LRRTM4: variants seen among roughly 807,000 people sequenced by gnomAD.
LRRTM4 encodes leucine-rich repeat transmembrane neuronal protein 4.
In LRRTM4, 25 loss-of-function variants were observed where a neutral mutation model predicts 47.6. The observed-to-expected ratio is 0.53, with a 90% CI of 0.38 to 0.73. The LOEUF is 0.73. Ranked by LOEUF, LRRTM4 falls within the 30% of genes least tolerant of loss-of-function variation. LRRTM4 has a pLI of 0.00. For missense variants in LRRTM4, 638 were observed against 713.4 expected (o/e 0.89, Z 1.20); for synonymous variants, 311 against 269.5 (o/e 1.15, Z -1.51).
intron 3 of LRRTM4, among the ~76,000 whole-genome samples, chr2:76,841,998 T>C (rs1168851015): frequency 6.6e-6 from 1 of 152,190 alleles, no homozygotes; most frequent in Admixed American, 6.5e-5. Context: ...TAGACTGAGC[T>C]ACTGGATGTC....
At chr2:77,316,572 T>C (rs1468944029) in intron 3 of LRRTM4, among the ~76,000 whole-genome samples, 2 of 151,128 alleles carry the variant, frequency 1.3e-5, no homozygotes, top group Non-Finnish European at 2.9e-5. Flanking sequence ...TTTTGAGACA[T>C]AAGTTTCACT....
chr2:77,013,020 G>T (rs143331159), intron 3 of LRRTM4, among the ~76,000 whole-genome samples: 72 of 152,312 alleles, frequency 4.7e-4, no homozygotes, highest in African/African-American at 1.7e-3. Context: ...AATATAGCAT[G>T]AACAACAGGA....
chr2:77,324,174 T>G (rs558026774), intron 3 of LRRTM4, among the ~76,000 whole-genome samples: 1 of 152,254 alleles, frequency 6.6e-6, no homozygotes, highest in Non-Finnish European at 1.5e-5. Flanking sequence ...TCTCTCCCTA[T>G]CCCACATGTA....
At chr2:76,860,760 A>G (rs1422796702) in intron 3 of LRRTM4, among the ~76,000 whole-genome samples, 1 of 152,198 alleles carries the variant, frequency 6.6e-6, no homozygotes, top group Admixed American at 6.6e-5. Context: ...TACAAACTCC[A>G]GAAATATAAA....
At chr2:77,214,736 C>A (rs1453503199) in intron 3 of LRRTM4, among the ~76,000 whole-genome samples, 1 of 150,462 alleles carries the variant, frequency 6.6e-6, no homozygotes, top group Non-Finnish European at 1.5e-5. Flanking sequence ...TTAATATGGA[C>A]AATCATCTCC....
chr2:77,347,207 C>T (rs773320487), intron 3 of LRRTM4, among the ~76,000 whole-genome samples: 2 of 152,206 alleles, frequency 1.3e-5, no homozygotes, highest in South Asian at 4.1e-4. Context: ...CCCGTCACTA[C>T]GGCCTCCTGT....
intron 3 of LRRTM4, among the ~76,000 whole-genome samples, chr2:77,422,694 T>C (rs1674949450): frequency 6.6e-6 from 1 of 152,184 alleles, no homozygotes; most frequent in Admixed American, 6.5e-5. Context: ...GTTTATTTAG[T>C]GTTTATTTTT....
intron 3 of LRRTM4, among the ~76,000 whole-genome samples, chr2:77,346,947 T>C (rs541926707): frequency 4.6e-5 from 7 of 152,268 alleles, no homozygotes; most frequent in African/African-American, 1.2e-4. Context: ...ATATTCTCCA[T>C]TCTCTCCCAC....
intron 3 of LRRTM4, among the ~76,000 whole-genome samples, chr2:77,433,890 G>A (rs1327890381): frequency 6.6e-6 from 1 of 152,150 alleles, no homozygotes; most frequent in Non-Finnish European, 1.5e-5. Context: ...TTTAGGAATA[G>A]GTCTCTGATG....
intron 3 of LRRTM4, among the ~76,000 whole-genome samples, chr2:77,472,285 G>A (rs894002424): frequency 6.6e-6 from 1 of 152,098 alleles, no homozygotes; most frequent in African/African-American, 2.4e-5. Context: ...GTGCCAACAG[G>A]CTGTAAGTTC....
intron 3 of LRRTM4, among the ~76,000 whole-genome samples, chr2:77,400,941 A>G (rs983972784): frequency 5.3e-5 from 8 of 152,090 alleles, no homozygotes; most frequent in South Asian, 4.1e-4. Flanking sequence ...TGAAAATTAT[A>G]CAAAATTCAA....
At chr2:77,118,863 G>A (rs1025457979) in intron 3 of LRRTM4, among the ~76,000 whole-genome samples, 3 of 151,734 alleles carry the variant, frequency 2.0e-5, no homozygotes, top group African/African-American at 7.3e-5. Flanking sequence ...AAGCTGAGTA[G>A]ACCATATACA....
chr2:76,845,677 T>C (rs1429357114), intron 3 of LRRTM4, among the ~76,000 whole-genome samples: 1 of 152,170 alleles, frequency 6.6e-6, no homozygotes, highest in African/African-American at 2.4e-5. Flanking sequence ...GGAGCTAACA[T>C]GAAATATTTT....
chr2:77,112,544 C>T (rs771698077), intron 3 of LRRTM4, among the ~76,000 whole-genome samples: 1 of 151,218 alleles, frequency 6.6e-6, no homozygotes, highest in African/African-American at 2.4e-5. Context: ...TTATCCCAAA[C>T]ATTTTATTGA....
In LRRTM4 at chr2:77,121,725, C is replaced by T. The variant is rs146459829; in HGVS notation, c.1552-372809G>A. ...TGAAGTTTGACTGTAGTCCAATTTC[C>T]CTAGGTAGATGACATTAGCCAATCG... is the stretch of plus-strand genomic sequence containing the variant. On this transcript the variant is annotated intron_variant, in intron 3 of 3. Coordinates refer to ENST00000409884, the MANE Select transcript of LRRTM4 (RefSeq NM_001134745.3). Among the ~76,000 whole-genome samples, 903 of 151,730 alleles carry T rather than the reference C, an allele frequency of 6.0e-3. 12 individuals are homozygous for T. Among genetic ancestry groups the T allele is most frequent in the African/African-American group, 0.021 (864 of 41,454 alleles).
intron 3 of LRRTM4, among the ~76,000 whole-genome samples, chr2:76,999,068 A>G (rs2104016852): frequency 6.6e-6 from 1 of 152,128 alleles, no homozygotes; most frequent in South Asian, 2.1e-4. Context: ...GGTTGTTGAT[A>G]TTATTGTTGT....
At chr2:76,761,725 TC>T (rs1283591637) in intron 3 of LRRTM4, among the ~76,000 whole-genome samples, 1 of 152,178 alleles carries the variant, frequency 6.6e-6, no homozygotes, top group Non-Finnish European at 1.5e-5. Context: ...TGAAAAATAT[TC>T]AAACCTCCCA....
At chr2:76,961,603 T>A (rs1023307803) in intron 3 of LRRTM4, among the ~76,000 whole-genome samples, 1 of 151,352 alleles carries the variant, frequency 6.6e-6, no homozygotes, top group Non-Finnish European at 1.5e-5. Flanking sequence ...TAAAGTGGAA[T>A]GGATGTTGGA....
rs998036399 is a variant in LRRTM4 at position 77,476,212 on chromosome 2, G to A, written c.1551+42106C>T. Among the ~76,000 whole-genome samples the A allele has an allele frequency of 7.9e-5, 12 of 152,108 alleles. 1 individual carries two copies. In the East Asian group the frequency reaches 1.2e-3, roughly 15 times the overall value. ...TCATTAATGGAGTCAAGGCAAAAGC[G>A]TGTCTTCTTAGTTGTCTTATAAGTG... On this transcript the variant is annotated intron_variant, in intron 3 of 3. Coordinates refer to ENST00000409884, the MANE Select transcript of LRRTM4 (RefSeq NM_001134745.3).
Sources: allele counts gnomAD v4.1 joint callset (sites outside exome capture counted in the v4.1 genomes callset), GRCh38; gene constraint gnomAD v4.1.1; transcripts MANE v1.5; gene names NCBI Gene and HGNC (gene_info 2026-07-23, HGNC 2026-07-21).